KCNMA1: variants seen among roughly 807,000 people sequenced by gnomAD.
KCNMA1 encodes potassium calcium-activated channel subfamily M alpha 1, also known as Calcium-activated potassium channel subunit alpha-1.
In KCNMA1, 29 loss-of-function variants were observed where a neutral mutation model predicts 140.0. That is an observed-to-expected ratio of 0.21 (90% CI 0.15 to 0.28). The LOEUF (loss-of-function observed/expected upper bound fraction) is 0.28. Ranked by LOEUF, KCNMA1 falls within the 10% of genes least tolerant of loss-of-function variation. KCNMA1 has a pLI of 1.00. For missense variants in KCNMA1, 880 were observed against 1,602.2 expected (o/e 0.55, Z 7.70); for synonymous variants, 612 against 611.9 (o/e 1.00, Z 0.00).
At chr10:77,556,011 C>G (rs1369783149) in intron 1 of KCNMA1, among the ~76,000 whole-genome samples, 2 of 152,134 alleles carry the variant, frequency 1.3e-5, no homozygotes, top group African/African-American at 4.8e-5. Context: ...GAGTTCTTTT[C>G]AAAGAGGATG....
intron 2 of KCNMA1, among the ~76,000 whole-genome samples, chr10:77,334,516 C>T (rs543699331): frequency 6.6e-6 from 1 of 152,292 alleles, no homozygotes; most frequent in African/African-American, 2.4e-5. Context: ...TTACCACAAT[C>T]ATCACTACCA....
Position 77,381,605 on chromosome 10 carries a change from G to A in KCNMA1, c.540+22257C>T, listed in dbSNP as rs543927854. Among the ~76,000 whole-genome samples, 518 of 152,212 alleles carry A rather than the reference G, an allele frequency of 3.4e-3. 1 individual carries two copies. Among genetic ancestry groups the A allele is most frequent in the Non-Finnish European group, 6.4e-3 (433 of 68,010 alleles). On this transcript the variant is annotated intron_variant, in intron 2 of 27. Coordinates refer to ENST00000286628, the MANE Select transcript of KCNMA1 (RefSeq NM_001161352.2). ...TTGAATTAACACTAGAGCCTGTTGG[G>A]ACCCAGTGATTGTGGTCTAAGTTTC...
chr10:77,616,804 TC>T (rs962618195), intron 1 of KCNMA1, among the ~76,000 whole-genome samples: 1 of 145,484 alleles, frequency 6.9e-6, no homozygotes, highest in Non-Finnish European at 1.5e-5. Flanking sequence ...AAGCTCCATC[TC>T]AAAAAAAAAA....
At chr10:77,095,888 G>A (rs1263476983) in intron 9 of KCNMA1, among the ~76,000 whole-genome samples, 1 of 152,138 alleles carries the variant, frequency 6.6e-6, no homozygotes, top group African/African-American at 2.4e-5. Flanking sequence ...GGCAGTGACT[G>A]AGGCATCAAG....
At position 77,637,436 on chromosome 10, in the gene KCNMA1, G is replaced by A. The variant is rs780686705; in HGVS notation, c.207C>T (p.Leu69=). 29 of 1,613,636 alleles carry A rather than the reference G, an allele frequency of 1.8e-5. No individual in the cohort carries two copies. Among genetic ancestry groups the A allele is most frequent in the Admixed American group, 1.0e-4 (6 of 59,982 alleles). Residue 69 remains leucine (L), a synonymous_variant, in exon 1 of 28, where the codon CTC becomes CTT. Transcript: ENST00000286628. ...SSVHEPKMDA[L]IIPVTMEVPC... ...GCACCTCCATGGTCACCGGGATGAT[G>A]AGCGCATCCATCTTGGGCTCGTGGA... is the stretch of plus-strand genomic sequence containing the variant.
chr10:77,273,750 G>A (rs2065852122), intron 2 of KCNMA1, among the ~76,000 whole-genome samples: 1 of 152,056 alleles, frequency 6.6e-6, no homozygotes, highest in African/African-American at 2.4e-5. Context: ...GAATTTGGAG[G>A]GTGGAAAGCA....
intron 25 of KCNMA1, among the ~76,000 whole-genome samples, chr10:76,908,267 C>T (rs2048612339): frequency 1.3e-5 from 2 of 152,164 alleles, no homozygotes; most frequent in Non-Finnish European, 2.9e-5. Flanking sequence ...CTGAGCCCAA[C>T]ATCACTAGCA....
Position 77,637,600 on chromosome 10 carries a change from CGCCGCCGCTGCT to C in KCNMA1, c.31_42del (p.Ser11_Gly14del). On this transcript the variant is annotated inframe_deletion, in exon 1 of 28. Transcript: ENST00000286628. ...AGACTGCTGCCTCCGCCGCCGCCGC[CGCCGCCGCTGCT>C]GCCGCCGCCGCCGCCGCCACCATTT... 4 of 1,526,734 alleles carry C rather than the reference CGCCGCCGCTGCT, an allele frequency of 2.6e-6. No homozygotes were observed. The highest frequency in any genetic ancestry group is 3.5e-6 in the Non-Finnish European group (4 of 1,141,226). The allele number at this position is 1,526,734 out of a possible 1,614,324, so 94.6% of individuals were successfully genotyped here.
chr10:77,322,721 C>T (rs2082718008), intron 2 of KCNMA1, among the ~76,000 whole-genome samples: 1 of 152,092 alleles, frequency 6.6e-6, no homozygotes, highest in Non-Finnish European at 1.5e-5. Context: ...TACCTGGGAG[C>T]TGGCAGATAA....
At chr10:77,046,861 AC>A (rs2095086103) in intron 14 of KCNMA1, among the ~76,000 whole-genome samples, 1 of 152,258 alleles carries the variant, frequency 6.6e-6, no homozygotes, top group African/African-American at 2.4e-5. Flanking sequence ...AGAATGCCTC[AC>A]TGCACAGCTT....
At chr10:77,414,426 T>C (rs2096689034) in intron 1 of KCNMA1, among the ~76,000 whole-genome samples, 1 of 152,208 alleles carries the variant, frequency 6.6e-6, no homozygotes, top group Non-Finnish European at 1.5e-5. Flanking sequence ...GTTCTGTCCT[T>C]GGTGATTTTA....
At chr10:77,389,346 C>T (rs11593194) in intron 2 of KCNMA1, among the ~76,000 whole-genome samples, 15,940 of 152,216 alleles carry the variant, frequency 0.1, 865 homozygotes, top group Middle Eastern at 0.18. Context: ...CTCCGGCAGT[C>T]ATTATTTTAA....
intron 5 of KCNMA1, 106 bp downstream of exon 5, chr10:77,183,315 C>T (rs921441810): frequency 2.6e-6 from 2 of 782,268 alleles, no homozygotes; most frequent in African/African-American, 1.7e-5. Flanking sequence ...CACATTAATA[C>T]ATACAACATT....
intron 1 of KCNMA1, among the ~76,000 whole-genome samples, chr10:77,530,686 C>G (rs1030273221): frequency 3.3e-5 from 5 of 152,152 alleles, no homozygotes; most frequent in Admixed American, 6.5e-5. Context: ...TATTCTGCTC[C>G]CACCACATGT....
At chr10:77,281,963 G>C (rs770308733) in intron 2 of KCNMA1, among the ~76,000 whole-genome samples, 121 of 152,134 alleles carry the variant, frequency 8.0e-4, no homozygotes, top group Non-Finnish European at 1.5e-3. Context: ...TGGGTGTTAC[G>C]ATAACCATGA....
intron 2 of KCNMA1, among the ~76,000 whole-genome samples, chr10:77,254,797 G>C (rs760021681): frequency 1.3e-5 from 2 of 152,136 alleles, no homozygotes; most frequent in African/African-American, 4.8e-5. Flanking sequence ...AGCTTCTATA[G>C]TTTCAGGGAC....
chr10:77,291,486 A>G (rs975437125), intron 2 of KCNMA1, among the ~76,000 whole-genome samples: 1 of 152,094 alleles, frequency 6.6e-6, no homozygotes, highest in Non-Finnish European at 1.5e-5. Flanking sequence ...GCAGACTACA[A>G]TTTTTTTTAA....
chr10:77,152,764 C>A (rs1488608757), intron 5 of KCNMA1, among the ~76,000 whole-genome samples: 2 of 152,208 alleles, frequency 1.3e-5, no homozygotes, highest in Admixed American at 6.5e-5. Flanking sequence ...AATCTAGCCA[C>A]CTGCACTACA....
intron 19 of KCNMA1, chr10:76,974,493 C>G: frequency 2.6e-6 from 4 of 1,542,822 alleles, no homozygotes; most frequent in Non-Finnish European, 3.5e-6. Flanking sequence ...TCACCTGGCT[C>G]GGTCACAAGC....
Sources: allele counts gnomAD v4.1 joint callset (sites outside exome capture counted in the v4.1 genomes callset), GRCh38; gene constraint gnomAD v4.1.1; transcripts MANE v1.5; gene names NCBI Gene and HGNC (gene_info 2026-07-23, HGNC 2026-07-21).